Variants in CD247 observed in about 807,000 individuals in gnomAD.
CD247 encodes T-cell surface glycoprotein CD3 zeta chain.
In CD247, 13 loss-of-function variants were observed where a neutral mutation model predicts 30.0. The observed-to-expected ratio is 0.43, with a 90% confidence interval of 0.28 to 0.69. The LOEUF is 0.69. Ranked by LOEUF, CD247 falls within the 30% of genes least tolerant of loss-of-function variation. The pLI is 0.16. For missense variants in CD247, 193 were observed against 212.6 expected (o/e 0.91, Z 0.57); for synonymous variants, 72 against 80.0 (o/e 0.90, Z 0.53).
chr1:167,499,028 T>C (rs1350552087), intron 1 of CD247, among the ~76,000 whole-genome samples: 1 of 152,216 alleles, frequency 6.6e-6, no homozygotes, highest in African/African-American at 2.4e-5. Flanking sequence ...CTGGTCAACC[T>C]AATGAGCAAA....
intron 1 of CD247, among the ~76,000 whole-genome samples, chr1:167,451,495 C>T (rs541590284): frequency 2.6e-5 from 4 of 152,298 alleles, no homozygotes; most frequent in African/African-American, 7.2e-5. Context: ...TCATTGTCAT[C>T]TCTTCTTCCC....
At chr1:167,503,168 C>T (rs764904975) in intron 1 of CD247, among the ~76,000 whole-genome samples, 4 of 152,186 alleles carry the variant, frequency 2.6e-5, no homozygotes, top group Non-Finnish European at 5.9e-5. Flanking sequence ...TGGCAGCTTG[C>T]GTCTGCTCCT....
chr1:167,481,543 G>A (rs181028301), intron 1 of CD247, among the ~76,000 whole-genome samples: 3 of 152,218 alleles, frequency 2.0e-5, no homozygotes, highest in African/African-American at 4.8e-5. Context: ...GGGTGGGGGC[G>A]GAAAGAGAAA....
chr1:167,503,671 G>A (rs539823591), intron 1 of CD247, among the ~76,000 whole-genome samples: 3 of 152,228 alleles, frequency 2.0e-5, no homozygotes, highest in South Asian at 2.1e-4. Flanking sequence ...TGTTATAAAC[G>A]TCACTGAACA....
intron 1 of CD247, among the ~76,000 whole-genome samples, chr1:167,464,981 C>T (rs546645426): frequency 3.3e-5 from 5 of 152,280 alleles, no homozygotes; most frequent in Non-Finnish European, 5.9e-5. Context: ...TAGTATTATT[C>T]CAGCTCTTTC....
At chr1:167,452,182 G>A (rs1652378386) in intron 1 of CD247, among the ~76,000 whole-genome samples, 2 of 152,144 alleles carry the variant, frequency 1.3e-5, no homozygotes, top group African/African-American at 4.8e-5. Flanking sequence ...CCGAGATCAC[G>A]CCATTGCACT....
chr1:167,473,547 A>G (rs893822360), intron 1 of CD247, among the ~76,000 whole-genome samples: 2 of 152,166 alleles, frequency 1.3e-5, no homozygotes, highest in East Asian at 3.8e-4. Context: ...ATTAGAAAAA[A>G]AAATGGGAAG....
intron 1 of CD247, among the ~76,000 whole-genome samples, chr1:167,497,333 T>C (rs963299756): frequency 6.6e-6 from 1 of 152,232 alleles, no homozygotes; most frequent in Non-Finnish European, 1.5e-5. Context: ...TTCCAAGTTT[T>C]CCCCAATAAG....
intron 7 of CD247, 126 bp downstream of exon 7, chr1:167,432,898 C>T: frequency 1.0e-6 from 1 of 989,174 alleles, no homozygotes; most frequent in East Asian, 2.5e-5. Flanking sequence ...TAAATGGGTG[C>T]CTTGGGCTTG....
intron 1 of CD247, among the ~76,000 whole-genome samples, chr1:167,474,078 A>G (rs371499705): frequency 1.7e-3 from 265 of 152,214 alleles, no homozygotes; most frequent in African/African-American, 6.1e-3. Context: ...TGAACCAGAG[A>G]TACCCCACTT....
intron 1 of CD247, among the ~76,000 whole-genome samples, chr1:167,443,200 G>A (rs2101999521): frequency 6.6e-6 from 1 of 152,246 alleles, no homozygotes; most frequent in East Asian, 1.9e-4. Context: ...CTCCATCTAG[G>A]CTGTCAGCAC....
At chr1:167,470,301 C>T (rs2949659) in intron 1 of CD247, among the ~76,000 whole-genome samples, 130,957 of 152,036 alleles carry the variant, frequency 0.86, 56,851 homozygotes, top group South Asian at 0.93. Flanking sequence ...AATCCAGACT[C>T]GAACATCCAT....
At chr1:167,464,936 C>T (rs377655399) in intron 1 of CD247, among the ~76,000 whole-genome samples, 1 of 151,488 alleles carries the variant, frequency 6.6e-6, no homozygotes, top group Non-Finnish European at 1.5e-5. Flanking sequence ...CAAATAACAA[C>T]AAAAAAAAAC....
intron 1 of CD247, among the ~76,000 whole-genome samples, chr1:167,503,874 G>C (rs1655010199): frequency 6.6e-6 from 1 of 152,216 alleles, no homozygotes; most frequent in Non-Finnish European, 1.5e-5. Flanking sequence ...AGGGTGGGAA[G>C]TGAGTTTCAG....
chr1:167,439,129 T>A (rs1651688327), intron 3 of CD247, among the ~76,000 whole-genome samples: 1 of 152,200 alleles, frequency 6.6e-6, no homozygotes, highest in South Asian at 2.1e-4. Context: ...ATCAAGACAT[T>A]AAAGCATGTA....
chr1:167,453,143 G>A (rs1652451660), intron 1 of CD247, among the ~76,000 whole-genome samples: 1 of 151,386 alleles, frequency 6.6e-6, no homozygotes, highest in Admixed American at 6.6e-5. Context: ...GACTGATGCT[G>A]TAACAATCAT....
chr1:167,509,472 C>T (rs139029967), intron 1 of CD247, among the ~76,000 whole-genome samples: 3 of 151,620 alleles, frequency 2.0e-5, no homozygotes, highest in African/African-American at 4.8e-5. Context: ...GGATTGTTTG[C>T]CAACCTATTC....
At chr1:167,441,490 C>T (rs1651829544) in intron 1 of CD247, among the ~76,000 whole-genome samples, 1 of 152,196 alleles carries the variant, frequency 6.6e-6, no homozygotes, top group African/African-American at 2.4e-5. Flanking sequence ...CCCCTCCTCC[C>T]ACTACACACA....
intron 1 of CD247, among the ~76,000 whole-genome samples, chr1:167,503,846 G>A (rs1483206274): frequency 6.6e-6 from 1 of 152,142 alleles, no homozygotes; most frequent in Non-Finnish European, 1.5e-5. Flanking sequence ...CCCTACCCCC[G>A]CCTCTTCATC....
Sources: gnomAD v4.1 joint callset for allele counts (sites outside exome capture counted in the v4.1 genomes callset) on GRCh38, gnomAD v4.1.1 for gene constraint, MANE v1.5 for transcripts, NCBI Gene and HGNC (gene_info 2026-07-23, HGNC 2026-07-21) for gene names.